The following TMEM144 variants were observed in gnomAD, a reference collection of about 807,000 sequenced individuals.
TMEM144 encodes transmembrane protein 144.
A neutral mutation model predicts 43.6 loss-of-function variants in TMEM144; 39 were observed. The ratio of observed to expected loss-of-function variants is 0.90; its 90% CI spans 0.69 to 1.17. The LOEUF (loss-of-function observed/expected upper bound fraction) is 1.17, where lower values mean the gene tolerates loss of function less well. Ranked by LOEUF, TMEM144 falls within the 50% of genes most tolerant of loss-of-function variation. The probability of loss-of-function intolerance (pLI) is 0.00; values close to 1 mark genes in which losing one functional copy is unlikely to be tolerated. For missense variants in TMEM144, 417 were observed against 411.9 expected, an observed-to-expected ratio of 1.01 and a Z score of -0.11; for synonymous variants, 154 against 133.6, an observed-to-expected ratio of 1.15 and a Z score of -1.06.
intron 6 of TMEM144, among the ~76,000 whole-genome samples, chr4:158,230,469 A>ACATATCAT (rs1238569952): frequency 1.3e-5 from 2 of 152,126 alleles, no homozygotes; most frequent in Non-Finnish European, 2.9e-5. Context: ...GTGTTTTCTA[A>ACATATCAT]CATATCATTC....
chr4:158,229,624 G>A (rs989665500), intron 6 of TMEM144, among the ~76,000 whole-genome samples: 1 of 152,196 alleles, frequency 6.6e-6, no homozygotes, highest in African/African-American at 2.4e-5. Context: ...GGTCTGCAGA[G>A]ACTATGGCCA....
At chr4:158,229,183 G>A (rs968386146) in intron 6 of TMEM144, among the ~76,000 whole-genome samples, 5 of 151,988 alleles carry the variant, frequency 3.3e-5, no homozygotes, top group African/African-American at 9.7e-5. Flanking sequence ...CTTTAGTTTC[G>A]CTTCTCTTCC....
intron 6 of TMEM144, among the ~76,000 whole-genome samples, chr4:158,230,843 A>C (rs1314822786): frequency 1.3e-5 from 2 of 152,160 alleles, no homozygotes; most frequent in African/African-American, 4.8e-5. Context: ...AATAAAAGAC[A>C]GGTTGACAAG....
chr4:158,216,722 T>C (rs1304371106), intron 4 of TMEM144, among the ~76,000 whole-genome samples: 1 of 151,686 alleles, frequency 6.6e-6, no homozygotes, highest in African/African-American at 2.4e-5. Flanking sequence ...TGAAAAATAG[T>C]AGCCAGAGAA....
At chr4:158,249,813 A>T (rs1410389956) in intron 12 of TMEM144, among the ~76,000 whole-genome samples, 1 of 151,816 alleles carries the variant, frequency 6.6e-6, no homozygotes, top group Non-Finnish European at 1.5e-5. Flanking sequence ...CATTAGTACC[A>T]GTATCTAGGT....
At chr4:158,216,441 T>C (rs1734227227) in intron 4 of TMEM144, among the ~76,000 whole-genome samples, 1 of 152,158 alleles carries the variant, frequency 6.6e-6, no homozygotes, top group Non-Finnish European at 1.5e-5. Context: ...AAAGAGAAAA[T>C]GATGGGTTCA....
rs766544097 is a variant in TMEM144, at chr4:158,244,375, G to A, written c.954+26G>A. 2.5e-6 allele frequency: 4 copies of A among 1,593,328 alleles called. No homozygotes were observed. In the Admixed American group the frequency reaches 6.8e-5, roughly 27 times the overall value. The stretch of plus-strand genomic sequence containing the variant: ...GTATGTACAAGAAAGGGCAGACTTA[G>A]AAAATGGGAATGGGGTAGGCCGGGC... On this transcript the variant is annotated intron_variant, in intron 12 of 12. Coordinates refer to ENST00000296529, the MANE Select transcript of TMEM144 (RefSeq NM_018342.5).
chr4:158,210,567 A>T lies in TMEM144; in HGVS notation c.-202A>T, dbSNP rs1236512830. On this transcript the variant is annotated 5_prime_UTR_variant, in exon 1 of 13. Transcript: ENST00000296529. ...CCGGCGCTGAGTAGGAAGGAGCTTC[A>T]GCCGCCAGCCCGGAACGCAGTGAGT... 1.3e-5 allele frequency: 2 copies of T among 152,298 alleles called. No individual in the cohort carries two copies. Among genetic ancestry groups the T allele is most frequent in the Non-Finnish European group, 2.9e-5 (2 of 68,088 alleles). The allele number at this position is 152,298 out of a possible 1,614,324, so 9.4% of individuals were successfully genotyped here.
rs184145372 is a variant in TMEM144, at chr4:158,229,206, T to C, written c.414-3695T>C. Among the ~76,000 whole-genome samples the C allele has an allele frequency of 3.3e-3, 509 of 152,214 alleles. 3 individuals are homozygous for C. Among genetic ancestry groups the C allele is most frequent in the African/African-American group, 0.012 (478 of 41,536 alleles). The stretch of plus-strand genomic sequence containing the variant: ...TCGCTTCTCTTCCCTTTTCTGAGTA[T>C]AAAACAATATGAAAAGGTCTGTCTC... On this transcript the variant is annotated intron_variant, in intron 6 of 12. Transcript: ENST00000296529.
chr4:158,211,555 A>G lies in TMEM144; in HGVS notation c.-80A>G, dbSNP rs549591111. 7 of 152,352 alleles carry G rather than the reference A, an allele frequency of 4.6e-5. No individual in the cohort carries two copies. Among genetic ancestry groups the G allele is most frequent in the African/African-American group, 1.7e-4 (7 of 41,568 alleles). 9.4% of individuals were successfully genotyped at this position (152,352 alleles called of 1,614,324 possible). A position where few individuals can be genotyped will look rare whatever the true frequency, so the allele number is the denominator to read the frequency against. On this transcript the variant is annotated 5_prime_UTR_variant, in exon 2 of 13. Coordinates refer to ENST00000296529, the MANE Select transcript of TMEM144 (RefSeq NM_018342.5). ...TAGCAGCAAGCACCTGCCTCAGCTGACCCTTGAGCCATAACCCATGTAAGT... is the reference window on the plus strand; with the variant it reads ...TAGCAGCAAGCACCTGCCTCAGCTGGCCCTTGAGCCATAACCCATGTAAGT...
chr4:158,223,528 C>T (rs926981207), intron 6 of TMEM144, among the ~76,000 whole-genome samples: 14 of 152,106 alleles, frequency 9.2e-5, no homozygotes, highest in African/African-American at 3.1e-4. Flanking sequence ...TGGTTTGCTG[C>T]ACCTATTGAC....
intron 12 of TMEM144, among the ~76,000 whole-genome samples, chr4:158,245,304 G>T (rs889515761): frequency 6.1e-5 from 9 of 148,736 alleles, no homozygotes; most frequent in Admixed American, 1.4e-4. Context: ...GAGCATGGTG[G>T]CATGCATCTA....
At chr4:158,220,093 T>C (rs1734438439) in intron 6 of TMEM144, among the ~76,000 whole-genome samples, 2 of 152,226 alleles carry the variant, frequency 1.3e-5, no homozygotes, top group South Asian at 2.1e-4. Flanking sequence ...TGGATAGTAC[T>C]GCCTAGAAAG....
chr4:158,244,635 C>G (rs978059694), intron 12 of TMEM144, among the ~76,000 whole-genome samples: 18 of 151,928 alleles, frequency 1.2e-4, no homozygotes, highest in African/African-American at 4.4e-4. Flanking sequence ...ACGCCACTGC[C>G]CTCCAGTCTG....
chr4:158,226,708 TTTTTTATAACA>T (rs955042247), intron 6 of TMEM144, among the ~76,000 whole-genome samples: 18 of 152,178 alleles, frequency 1.2e-4, no homozygotes, highest in African/African-American at 3.6e-4. Context: ...GCATAAATTC[TTTTTTATAACA>T]TTTTTATAAC....
At chr4:158,235,285 T>G in intron 7 of TMEM144, 153 bp from the exon 8 acceptor site, 1 of 658,950 alleles carries the variant, frequency 1.5e-6, no homozygotes, top group Non-Finnish European at 2.3e-6. Context: ...TTAGAAACAG[T>G]TGAGTTTAGA....
In TMEM144 at chr4:158,253,623, G is replaced by C; in HGVS notation, c.*96G>C. 1.0e-6 allele frequency: 1 copy of C among 970,998 alleles called. No individual in the cohort carries two copies. Among genetic ancestry groups the C allele is most frequent in the Non-Finnish European group, 1.6e-6 (1 of 637,004 alleles). 60.1% of individuals were successfully genotyped at this position (970,998 alleles called of 1,614,324 possible). ...TGAGAAAAGAGTGCATTTTCATATAGCAAATGGATCTCAGCCACTGTTGGA... is the reference window on the plus strand; with the variant it reads ...TGAGAAAAGAGTGCATTTTCATATACCAAATGGATCTCAGCCACTGTTGGA... On this transcript the variant is annotated 3_prime_UTR_variant, in exon 13 of 13. Transcript: ENST00000296529.
Position 158,215,044 on chromosome 4 carries a change from AG to A in TMEM144, c.110-146del, listed in dbSNP as rs1226231758. 1.0e-4 allele frequency: 91 copies of A among 900,684 alleles called. No individual in the cohort carries two copies. In the Middle Eastern group the frequency reaches 7.7e-3, roughly 76 times the overall value. The allele number at this position is 900,684 out of a possible 1,614,324, so 55.8% of individuals were successfully genotyped here. ...GCTAGGGTTAATTATGTTGCAGAGT[AG>A]TCATAAGAATGAAATGTGCAAAGTC... On this transcript the variant is annotated intron_variant, in intron 3 of 12. Coordinates refer to ENST00000296529, the MANE Select transcript of TMEM144 (RefSeq NM_018342.5).
chr4:158,245,059 A>T (rs977987559), intron 12 of TMEM144, among the ~76,000 whole-genome samples: 3 of 152,112 alleles, frequency 2.0e-5, no homozygotes, highest in African/African-American at 7.2e-5. Context: ...TTGGGAATAG[A>T]TGTTTATATT....
Sources: gnomAD v4.1 joint callset for allele counts (sites outside exome capture counted in the v4.1 genomes callset) on GRCh38, gnomAD v4.1.1 for gene constraint, MANE v1.5 for transcripts, NCBI Gene and HGNC (gene_info 2026-07-23, HGNC 2026-07-21) for gene names.